Variants in SRRD observed in about 807,000 individuals in gnomAD.
The protein encoded by SRRD is SRR1 domain containing, also known as SRR1-like protein.
In SRRD, 28 loss-of-function variants were observed where a neutral mutation model predicts 30.7. The ratio of observed to expected loss-of-function variants is 0.91; its 90% CI spans 0.68 to 1.25. The LOEUF (loss-of-function observed/expected upper bound fraction) is 1.25, where lower values mean the gene tolerates loss of function less well. Ranked by LOEUF, SRRD falls within the 50% of genes most tolerant of loss-of-function variation. SRRD has a pLI of 0.00. For synonymous variants in SRRD, 161 were observed against 159.6 expected, an observed-to-expected ratio of 1.01 and a Z score of -0.07; for missense variants, 415 against 417.3, an observed-to-expected ratio of 0.99 and a Z score of 0.05.
At chr22:26,487,117 C>T (rs181367967) in intron 2 of SRRD, among the ~76,000 whole-genome samples, 1 of 151,902 alleles carries the variant, frequency 6.6e-6, no homozygotes, top group Non-Finnish European at 1.5e-5. Flanking sequence ...GATGGGGTTT[C>T]ACCATGTTGG....
In SRRD at chr22:26,483,962, TCGACGG is replaced by T. The variant is rs1443685668; in HGVS notation, c.74_79del (p.Arg25_Arg26del). On this transcript the variant is annotated inframe_deletion, in exon 1 of 7. Transcript: ENST00000215917. Reference sequence around the variant, plus strand: ...CTCCGCGGAAGAGGCGCTCCGCGGCTCGACGGCCGCGGCGGAGGGAGGCGGCGCCCC... The same window carrying T: ...CTCCGCGGAAGAGGCGCTCCGCGGCTCCGCGGCGGAGGGAGGCGGCGCCCC... The T allele has an allele frequency of 3.3e-4, 445 of 1,342,882 alleles. No homozygotes were observed. Among genetic ancestry groups the T allele is most frequent in the Non-Finnish European group, 3.7e-4 (392 of 1,056,042 alleles). 83.2% of individuals were successfully genotyped at this position (1,342,882 alleles called of 1,614,324 possible).
chr22:26,494,484 G>A lies in SRRD; in HGVS notation c.*2812G>A, dbSNP rs182608238. 3.8e-6 allele frequency: 3 copies of A among 784,322 alleles called. No individual in the cohort carries two copies. The East Asian group carries it at 8.0e-5, about 21-fold the overall frequency. 48.6% of individuals were successfully genotyped at this position (784,322 alleles called of 1,614,324 possible). ...TATGGATTTTGGAGTCAGCCTGGTA[G>A]CTAAAGTGCCCTTGCATGTAAACTC... is the stretch of plus-strand genomic sequence containing the variant. On this transcript the variant is annotated 3_prime_UTR_variant, in exon 7 of 7. Coordinates refer to ENST00000215917, the MANE Select transcript of SRRD (RefSeq NM_001013694.3).
At chr22:26,491,292 C>T in intron 6 of SRRD, 171 bp from the exon 7 acceptor site, 1 of 722,796 alleles carries the variant, frequency 1.4e-6, no homozygotes. Flanking sequence ...ATGATATCCA[C>T]TGTCCTTGGG....
In SRRD at chr22:26,484,048, C is replaced by T; in HGVS notation, c.158C>T (p.Ala53Val). Residue 53 changes from alanine (A) to valine (V), a missense_variant, in exon 1 of 7, where the codon GCG becomes GTG. Coordinates refer to ENST00000215917, the MANE Select transcript of SRRD (RefSeq NM_001013694.3). The stretch of plus-strand genomic sequence containing the variant: ...GAGGCGGCGCCCCGGGGCCCCGAGG[C>T]GGAGTTCGAGTCTGACAGCGGAGTC... ...GREAAPRGPE[A>V]EFESDSGVVL... 1.5e-6 allele frequency: 2 copies of T among 1,361,530 alleles called. No homozygotes were observed. Among genetic ancestry groups the T allele is most frequent in the South Asian group, 2.6e-5 (2 of 75,556 alleles). 84.3% of individuals were successfully genotyped at this position (1,361,530 alleles called of 1,614,324 possible).
At position 26,484,066 on chromosome 22, in the gene SRRD, G is replaced by A. The variant is rs1180557189; in HGVS notation, c.176G>A (p.Ser59Asn). 6.7e-7 allele frequency: 1 copy of A among 1,487,392 alleles called. No individual in the cohort carries two copies. The highest frequency in any genetic ancestry group is 8.9e-7 in the Non-Finnish European group (1 of 1,125,030). The allele number at this position is 1,487,392 out of a possible 1,614,324, so 92.1% of individuals were successfully genotyped here. The change falls in exon 1 of 7, where the codon AGC (serine) becomes AAC (asparagine). Residue 59 changes from serine to asparagine, a missense_variant. Ser to Asn is a conservative substitution (Grantham distance 46). Coordinates refer to ENST00000215917, the MANE Select transcript of SRRD (RefSeq NM_001013694.3). ...RGPEAEFESD[S>N]GVVLRRIWEA... is the part of the protein sequence containing the mutation. ...CCCGAGGCGGAGTTCGAGTCTGACAGCGGAGTCGTGCTTCGTCGCATCTGG... is the reference window on the plus strand; with the variant it reads ...CCCGAGGCGGAGTTCGAGTCTGACAACGGAGTCGTGCTTCGTCGCATCTGG...
intron 2 of SRRD, among the ~76,000 whole-genome samples, chr22:26,487,683 G>C (rs2091718250): frequency 2.6e-5 from 4 of 152,176 alleles, no homozygotes; most frequent in Admixed American, 2.6e-4. Flanking sequence ...ACGCATTTCA[G>C]AGCATAGTCT....
Position 26,491,726 on chromosome 22 carries a change from A to G in SRRD, c.*54A>G. On this transcript the variant is annotated 3_prime_UTR_variant, in exon 7 of 7. Transcript: ENST00000215917. ...GAGGTAGAAGCTGCCACCAGAGACTAAAGGGAAGGCTGCTATGGAGGAACT... is the reference window on the plus strand; with the variant it reads ...GAGGTAGAAGCTGCCACCAGAGACTGAAGGGAAGGCTGCTATGGAGGAACT... 6.7e-7 allele frequency: 1 copy of G among 1,501,132 alleles called. No homozygotes were observed. The highest frequency in any genetic ancestry group is 9.1e-7 in the Non-Finnish European group (1 of 1,095,186). The allele number at this position is 1,501,132 out of a possible 1,614,324, so 93.0% of individuals were successfully genotyped here. A position where few individuals can be genotyped will look rare whatever the true frequency, so the allele number is the denominator to read the frequency against.
chr22:26,490,199 G>GT lies in SRRD; in HGVS notation c.764+2dup, dbSNP rs747222310. ...ACAGTTTCAAAGGACTTGAGGAGAG[G>GT]TAAGTCTGAGAATGCTGAGATTCTG... On this transcript the variant is annotated splice_donor_variant, in intron 5 of 6. Transcript: ENST00000215917. LOFTEE classifies it high-confidence loss of function. The GT allele has an allele frequency of 1.5e-4, 245 of 1,613,928 alleles. No homozygotes were observed. Among genetic ancestry groups the GT allele is most frequent in the Non-Finnish European group, 2.0e-4 (235 of 1,179,972 alleles).
chr22:26,490,004 G>C (rs750201685), intron 4 of SRRD, 40 bp from the exon 5 acceptor site: 15 of 1,610,472 alleles, frequency 9.3e-6, no homozygotes, highest in Non-Finnish European at 1.2e-5. Context: ...TAAAGAATAG[G>C]TTGTGGGCAT....
intron 6 of SRRD, 188 bp from the exon 7 acceptor site, chr22:26,491,275 A>C (rs1921138261): frequency 1.4e-6 from 1 of 713,794 alleles, no homozygotes; most frequent in East Asian, 2.7e-5. Context: ...TCTTAGTATC[A>C]CAGTCCATGA....
At chr22:26,489,613 C>T (rs577563021) in intron 4 of SRRD, among the ~76,000 whole-genome samples, 1 of 152,168 alleles carries the variant, frequency 6.6e-6, no homozygotes, top group East Asian at 1.9e-4. Context: ...CAGTGGTTCT[C>T]AGGAGGGGTG....
At chr22:26,488,866 G>T (rs2091728263) in intron 4 of SRRD, among the ~76,000 whole-genome samples, 1 of 152,186 alleles carries the variant, frequency 6.6e-6, no homozygotes, top group African/African-American at 2.4e-5. Flanking sequence ...TAATAAAAGG[G>T]GATGCAGCAT....
At position 26,491,645 on chromosome 22, in the gene SRRD, G is replaced by C; in HGVS notation, c.993G>C (p.Lys331Asn). ...DCEDLEIIRN[K>N]REDPSATD The stretch of plus-strand genomic sequence containing the variant: ...AGGACCTTGAAATCATCAGGAACAA[G>C]AGAGAAGATCCTTCTGCTACTGACT... The change falls in exon 7 of 7, where the codon AAG (lysine) becomes AAC (asparagine). Residue 331 changes from lysine to asparagine, a missense_variant. Physicochemically the swap from Lys to Asn is moderately conservative, Grantham distance 94. Coordinates refer to ENST00000215917, the MANE Select transcript of SRRD (RefSeq NM_001013694.3). 1 of 1,612,796 alleles carries C rather than the reference G, an allele frequency of 6.2e-7. No individual in the cohort carries two copies. The highest frequency in any genetic ancestry group is 8.5e-7 in the Non-Finnish European group (1 of 1,180,028).
At chr22:26,486,604 T>A (rs2091710520) in intron 2 of SRRD, among the ~76,000 whole-genome samples, 1 of 152,226 alleles carries the variant, frequency 6.6e-6, no homozygotes, top group African/African-American at 2.4e-5. Flanking sequence ...CTGTACCTCC[T>A]GAGCTCAAGT....
At chr22:26,490,442 G>A (rs1336795826) in intron 5 of SRRD, among the ~76,000 whole-genome samples, 13 of 151,914 alleles carry the variant, frequency 8.6e-5, no homozygotes, top group Admixed American at 8.5e-4. Flanking sequence ...TTTGAAAACA[G>A]GGAAAAGCTA....
Position 26,491,564 on chromosome 22 carries a change from A to T in SRRD, c.912A>T (p.Glu304Asp), listed in dbSNP as rs1921182339. The stretch of plus-strand genomic sequence containing the variant: ...ACTGGTTCCCTGTGCAAAAGCTAGA[A>T]CAGCTCTCCATAGATATTTGGGAGT... ...SVHWFPVQKLEQLSIDIWEFR... is the reference protein window; with the variant it reads ...SVHWFPVQKLDQLSIDIWEFR... The change falls in exon 7 of 7, where the codon GAA (glutamate) becomes GAT (aspartate). Residue 304 changes from glutamate (E) to aspartate (D), a missense_variant. Coordinates refer to ENST00000215917, the MANE Select transcript of SRRD (RefSeq NM_001013694.3). 1.2e-6 allele frequency: 2 copies of T among 1,614,198 alleles called. No individual in the cohort carries two copies. The highest frequency in any genetic ancestry group is 1.7e-6 in the Non-Finnish European group (2 of 1,180,010).
At chr22:26,490,559 C>CTTTTTTTTGTTTTTTTTTTTTTT (rs1921028050) in intron 5 of SRRD, among the ~76,000 whole-genome samples, 2 of 51,834 alleles carry the variant, frequency 3.9e-5, no homozygotes, top group Non-Finnish European at 6.8e-5. Flanking sequence ...GGAATATTTG[C>CTTTTTTTTGTTTTTTTTTTTTTT]TTTTTTTTTT....
intron 2 of SRRD, 141 bp downstream of exon 2, chr22:26,486,204 C>G: frequency 1.2e-6 from 1 of 851,634 alleles, no homozygotes; most frequent in East Asian, 2.6e-5. Context: ...TCTTTTGGCA[C>G]TTAATTCTGA....
In SRRD at chr22:26,494,583, T is replaced by C; in HGVS notation, c.*2911T>C. ...ACCCCATAGGGTTGCTGAGAGGAGC[T>C]GAGATAAAGCAAATAAAGTGCTTGG... is the stretch of plus-strand genomic sequence containing the variant. On this transcript the variant is annotated 3_prime_UTR_variant, in exon 7 of 7. Coordinates refer to ENST00000215917, the MANE Select transcript of SRRD (RefSeq NM_001013694.3). The C allele has an allele frequency of 1.3e-6, 1 of 750,588 alleles. No homozygotes were observed. The highest frequency in any genetic ancestry group is 1.8e-5 in the African/African-American group (1 of 56,704). The allele number at this position is 750,588 out of a possible 1,614,324, so 46.5% of individuals were successfully genotyped here.
Sources: allele counts gnomAD v4.1 joint callset (sites outside exome capture counted in the v4.1 genomes callset), GRCh38; gene constraint gnomAD v4.1.1; transcripts MANE v1.5; gene names NCBI Gene and HGNC (gene_info 2026-07-23, HGNC 2026-07-21).